The following LIPT2 variants were observed in gnomAD, a reference collection of about 807,000 sequenced individuals.
LIPT2 encodes the protein lipoyl(octanoyl) transferase 2.
Under a neutral mutation model 16.2 loss-of-function variants are expected in LIPT2, and 16 were observed. The observed-to-expected ratio is 0.99, with a 90% CI of 0.67 to 1.50. The LOEUF (loss-of-function observed/expected upper bound fraction) is 1.50. LIPT2 is among the 40% of genes most tolerant of loss of function. The pLI, the probability that LIPT2 is intolerant of heterozygous loss-of-function variation, is 0.00. For missense variants in LIPT2, 424 were observed against 347.7 expected, an observed-to-expected ratio of 1.22 and a Z score of -1.75; for synonymous variants, 199 against 169.3, an observed-to-expected ratio of 1.18 and a Z score of -1.36.
chr11:74,493,628 A>T lies in LIPT2; in HGVS notation c.76T>A (p.Trp26Arg). ...GGCTCGGCCTGCAGCCGCCGCAGCC[A>T]GCGGTCCTGCAGCCCCAGTAGCTCG... ...YAELLGLQDR[W>R]LRRLQAEPGI... The change falls in exon 1 of 2, where the codon TGG becomes AGG. Residue 26 changes from tryptophan (W) to arginine (R), a missense_variant. Trp to Arg is a moderately radical substitution (Grantham distance 101, BLOSUM62 -3). Transcript: ENST00000310109. 2 of 1,458,588 alleles carry T rather than the reference A, an allele frequency of 1.4e-6. No individual in the cohort carries two copies. The highest frequency in any genetic ancestry group is 1.8e-6 in the Non-Finnish European group (2 of 1,111,604). The allele number at this position is 1,458,588 out of a possible 1,614,324, so 90.4% of individuals were successfully genotyped here. A position where few individuals can be genotyped will look rare whatever the true frequency, so the allele number is the denominator to read the frequency against.
rs1864335595 is a variant in LIPT2, at chr11:74,491,578, T to C, written c.*557A>G. 2.0e-5 allele frequency: 3 copies of C among 153,644 alleles called. No homozygotes were observed. Among genetic ancestry groups the C allele is most frequent in the Non-Finnish European group, 4.3e-5 (3 of 69,086 alleles). The allele number at this position is 153,644 out of a possible 1,614,324, so 9.5% of individuals were successfully genotyped here. On this transcript the variant is annotated 3_prime_UTR_variant, in exon 2 of 2. Coordinates refer to ENST00000310109, the MANE Select transcript of LIPT2 (RefSeq NM_001144869.3). Reference sequence around the variant, plus strand: ...AACCCAACTAAAAACTGCTAAATTATCAAACTTGGGGAATCAAACCCAGGA... The same window carrying C: ...AACCCAACTAAAAACTGCTAAATTACCAAACTTGGGGAATCAAACCCAGGA...
chr11:74,490,549 G>A lies in LIPT2; in HGVS notation c.*1586C>T, dbSNP rs544951070. ...TTATATTGATATTTTTATATATTGGGTTAATTAAAATATTAAAATTAACAT... is the reference window on the plus strand; with the variant it reads ...TTATATTGATATTTTTATATATTGGATTAATTAAAATATTAAAATTAACAT... On this transcript the variant is annotated 3_prime_UTR_variant, in exon 2 of 2. Transcript: ENST00000310109. Among the ~76,000 whole-genome samples the A allele has an allele frequency of 6.6e-6, 1 of 151,958 alleles. No individual in the cohort carries two copies. Among genetic ancestry groups the A allele is most frequent in the Non-Finnish European group, 1.5e-5 (1 of 67,996 alleles).
In LIPT2 at chr11:74,493,422, C is replaced by T. The variant is rs1329263134; in HGVS notation, c.282G>A (p.Pro94=). The T allele has an allele frequency of 3.3e-6, 5 of 1,509,472 alleles. No individual in the cohort carries two copies. The highest frequency in any genetic ancestry group is 2.1e-5 in the Admixed American group (1 of 48,382). The allele number at this position is 1,509,472 out of a possible 1,614,324, so 93.5% of individuals were successfully genotyped here. The change falls in exon 1 of 2, where the codon CCG becomes CCA. Residue 94 remains proline, a synonymous_variant. Transcript: ENST00000310109. Reference sequence around the variant, plus strand: ...GTACCGGGTGGCAAAGCAGCTGGCCCGGGCCGTGGAAGGTGGCCAGGCCAC... The same window carrying T: ...GTACCGGGTGGCAAAGCAGCTGGCCTGGGCCGTGGAAGGTGGCCAGGCCAC... ...GRGGLATFHG[P]GQLLCHPVLD... is the part of the protein sequence containing the mutation.
In LIPT2 at chr11:74,491,871, A is replaced by G. The variant is rs1315536308; in HGVS notation, c.*264T>C. 2 of 430,658 alleles carry G rather than the reference A, an allele frequency of 4.6e-6. No homozygotes were observed. Among genetic ancestry groups the G allele is most frequent in the Non-Finnish European group, 8.6e-6 (2 of 233,402 alleles). 26.7% of individuals were successfully genotyped at this position (430,658 alleles called of 1,614,324 possible). A position where few individuals can be genotyped will look rare whatever the true frequency, so the allele number is the denominator to read the frequency against. ...TATGACATCTGAATTTCTCTGAGAC[A>G]CTGCTGTCAATAGCAGTGCTAATGT... is the stretch of plus-strand genomic sequence containing the variant. On this transcript the variant is annotated 3_prime_UTR_variant, in exon 2 of 2. Coordinates refer to ENST00000310109, the MANE Select transcript of LIPT2 (RefSeq NM_001144869.3).
Position 74,491,284 on chromosome 11 carries a change from C to T in LIPT2, c.*851G>A, listed in dbSNP as rs148435085. Among the ~76,000 whole-genome samples the T allele has an allele frequency of 2.6e-5, 4 of 152,336 alleles. No individual in the cohort carries two copies. Among genetic ancestry groups the T allele is most frequent in the Admixed American group, 1.3e-4 (2 of 15,304 alleles). Reference sequence around the variant, plus strand: ...GCCAAGCCTTTGAATAAGTGCAGTTCCAGCTGACATCTTAACTGCAAGTTC... The same window carrying T: ...GCCAAGCCTTTGAATAAGTGCAGTTTCAGCTGACATCTTAACTGCAAGTTC... On this transcript the variant is annotated 3_prime_UTR_variant, in exon 2 of 2. Coordinates refer to ENST00000310109, the MANE Select transcript of LIPT2 (RefSeq NM_001144869.3).
chr11:74,493,563 G>A lies in LIPT2; in HGVS notation c.141C>T (p.Leu47=), dbSNP rs1456130874. ...CGGGCCCCGCGGGCTCGCAGAGCAG[G>A]AGCGCGCCCGCCTCAGTCCCCGACG... is the stretch of plus-strand genomic sequence containing the variant. ...EAPSGTEAGA[L]LLCEPAGPVY... The change falls in exon 1 of 2, where the codon CTC becomes CTT. Residue 47 remains leucine (L), a synonymous_variant. Transcript: ENST00000310109. The A allele has an allele frequency of 7.0e-6, 10 of 1,437,324 alleles. No homozygotes were observed. The highest frequency in any genetic ancestry group is 7.3e-6 in the Non-Finnish European group (8 of 1,100,386). The allele number at this position is 1,437,324 out of a possible 1,614,324, so 89.0% of individuals were successfully genotyped here.
chr11:74,492,903 CAAAA>C (rs147536336), intron 1 of LIPT2, among the ~76,000 whole-genome samples: 20 of 103,490 alleles, frequency 1.9e-4, no homozygotes, highest in Admixed American at 3.0e-4. Flanking sequence ...GACTCTGTCT[CAAAA>C]AAAAAAAAAA....
chr11:74,492,509 G>A (rs1433593494), intron 1 of LIPT2, 145 bp from the exon 2 acceptor site: 1 of 619,352 alleles, frequency 1.6e-6, no homozygotes, highest in Non-Finnish European at 2.9e-6. Flanking sequence ...ACTCAGATGG[G>A]AAAAGGAAAC....
In LIPT2 at chr11:74,492,335, G is replaced by C; in HGVS notation, c.496C>G (p.His166Asp). The change falls in exon 2 of 2, where the codon CAC becomes GAC. Residue 166 changes from histidine to aspartate, a missense_variant. Physicochemically the swap from His to Asp is moderately conservative, Grantham distance 81. Coordinates refer to ENST00000310109, the MANE Select transcript of LIPT2 (RefSeq NM_001144869.3). ...GVRCGRHITS[H>D]GLALNCSTDL... is the part of the protein sequence containing the mutation. ...GTAGAGCAGTTGAGAGCCAGGCCGT[G>C]GGATGTGATGTGCCTTCCACAGCGG... is the stretch of plus-strand genomic sequence containing the variant. The C allele has an allele frequency of 6.4e-7, 1 of 1,551,726 alleles. No homozygotes were observed. Among genetic ancestry groups the C allele is most frequent in the Non-Finnish European group, 8.7e-7 (1 of 1,146,910 alleles).
At position 74,493,354 on chromosome 11, in the gene LIPT2, G is replaced by A; in HGVS notation, c.350C>T (p.Ala117Val). 2 of 1,507,126 alleles carry A rather than the reference G, an allele frequency of 1.3e-6. No individual in the cohort carries two copies. The highest frequency in any genetic ancestry group is 1.8e-6 in the Non-Finnish European group (2 of 1,134,428). The allele number at this position is 1,507,126 out of a possible 1,614,324, so 93.4% of individuals were successfully genotyped here. The change falls in exon 1 of 2, where the codon GCG becomes GTG. Residue 117 changes from alanine (A) to valine (V), a missense_variant. Ala to Val is a moderately conservative substitution (Grantham distance 64). Coordinates refer to ENST00000310109, the MANE Select transcript of LIPT2 (RefSeq NM_001144869.3). ...RLGLRLRMHV[A>V]SLEACAVRLC... is the part of the protein sequence containing the mutation. ...GCGCACGGCGCACGCCTCCAGCGAC[G>A]CTACGTGCATGCGCAAGCGCAGGCC...
chr11:74,493,187 C>T, intron 1 of LIPT2, 51 bp downstream of exon 1: 2 of 1,283,946 alleles, frequency 1.6e-6, no homozygotes, highest in Non-Finnish European at 2.0e-6. Context: ...GCCCCCAGGC[C>T]TCAAGCTCCG....
chr11:74,492,809 C>T (rs1565469692), intron 1 of LIPT2, among the ~76,000 whole-genome samples: 2 of 147,888 alleles, frequency 1.4e-5, no homozygotes, highest in Non-Finnish European at 3.0e-5. Flanking sequence ...GAGGCTGAGG[C>T]AGGAGAATGG....
rs938414374 is a variant in LIPT2 at position 74,493,385 on chromosome 11, G to A, written c.319C>T (p.Arg107Cys). Residue 107 changes from arginine to cysteine, a missense_variant, in exon 1 of 2, where the codon CGT becomes TGT. By Grantham distance (180) the Arg-to-Cys change is radical. Transcript: ENST00000310109. ...LLCHPVLDLR[R>C]LGLRLRMHVA... ...TGCATGCGCAAGCGCAGGCCGAGAC[G>A]CCGCAGGTCGAGTACCGGGTGGCAA... 16 of 1,514,050 alleles carry A rather than the reference G, an allele frequency of 1.1e-5. No homozygotes were observed. The highest frequency in any genetic ancestry group is 4.3e-5 in the African/African-American group (3 of 69,894). The allele number at this position is 1,514,050 out of a possible 1,614,324, so 93.8% of individuals were successfully genotyped here.
Position 74,491,817 on chromosome 11 carries a change from A to C in LIPT2, c.*318T>G. 3.2e-6 allele frequency: 1 copy of C among 312,330 alleles called. No homozygotes were observed. The highest frequency in any genetic ancestry group is 3.3e-5 in the South Asian group (1 of 30,044). The allele number at this position is 312,330 out of a possible 1,614,324, so 19.3% of individuals were successfully genotyped here. ...AGCAACAATTGAGAAATGACAATCT[A>C]TGACATCAACAATCGAGAAATAACA... On this transcript the variant is annotated 3_prime_UTR_variant, in exon 2 of 2. Coordinates refer to ENST00000310109, the MANE Select transcript of LIPT2 (RefSeq NM_001144869.3).
At position 74,493,269 on chromosome 11, in the gene LIPT2, G is replaced by A; in HGVS notation, c.435C>T (p.Val145=). The A allele has an allele frequency of 6.5e-6, 9 of 1,376,272 alleles. No individual in the cohort carries two copies. The highest frequency in any genetic ancestry group is 8.4e-6 in the Non-Finnish European group (9 of 1,065,628). The allele number at this position is 1,376,272 out of a possible 1,614,324, so 85.3% of individuals were successfully genotyped here. Reference sequence around the variant, plus strand: ...CGCAGATCTTGCGATCGTCTAGCCAGACGCCAGTGTAGGGCGGGGGCCGCG... The same window carrying A: ...CGCAGATCTTGCGATCGTCTAGCCAAACGCCAGTGTAGGGCGGGGGCCGCG... ...ARARPPPYTG[V]WLDDRKICAI... The change falls in exon 1 of 2, where the codon GTC becomes GTT. Residue 145 remains valine (V), a synonymous_variant. Transcript: ENST00000310109.
Position 74,493,265 on chromosome 11 carries a change from G to C in LIPT2, c.439C>G (p.Leu147Val). The C allele has an allele frequency of 7.3e-7, 1 of 1,374,318 alleles. No homozygotes were observed. The highest frequency in any genetic ancestry group is 9.4e-7 in the Non-Finnish European group (1 of 1,064,692). The allele number at this position is 1,374,318 out of a possible 1,614,324, so 85.1% of individuals were successfully genotyped here. Residue 147 changes from leucine to valine, a missense_variant, in exon 1 of 2, where the codon CTA becomes GTA. By Grantham distance (32) the Leu-to-Val change is conservative. Transcript: ENST00000310109. ...ARPPPYTGVW[L>V]DDRKICAIGV... The stretch of plus-strand genomic sequence containing the variant: ...ATCGCGCAGATCTTGCGATCGTCTA[G>C]CCAGACGCCAGTGTAGGGCGGGGGC...
intron 1 of LIPT2, 186 bp downstream of exon 1, chr11:74,493,052 T>C: frequency 9.7e-6 from 4 of 412,258 alleles, no homozygotes; most frequent in Non-Finnish European, 1.7e-5. Context: ...CTTCTGCTTC[T>C]GAATATACGA....
At position 74,493,379 on chromosome 11, in the gene LIPT2, C is replaced by G. The variant is rs1397765767; in HGVS notation, c.325G>C (p.Gly109Arg). 8 of 1,513,358 alleles carry G rather than the reference C, an allele frequency of 5.3e-6. No homozygotes were observed. The highest frequency in any genetic ancestry group is 2.9e-5 in the African/African-American group (2 of 69,840). The allele number at this position is 1,513,358 out of a possible 1,614,324, so 93.7% of individuals were successfully genotyped here. A position where few individuals can be genotyped will look rare whatever the true frequency, so the allele number is the denominator to read the frequency against. ...CHPVLDLRRL[G>R]LRLRMHVASL... The stretch of plus-strand genomic sequence containing the variant: ...GCTACGTGCATGCGCAAGCGCAGGC[C>G]GAGACGCCGCAGGTCGAGTACCGGG... The change falls in exon 1 of 2, where the codon GGC (glycine) becomes CGC (arginine). Residue 109 changes from glycine (G) to arginine (R), a missense_variant. Physicochemically the swap from Gly to Arg is moderately radical, Grantham distance 125. Transcript: ENST00000310109.
Position 74,491,942 on chromosome 11 carries a change from T to C in LIPT2, c.*193A>G. 1 of 583,502 alleles carries C rather than the reference T, an allele frequency of 1.7e-6. No individual in the cohort carries two copies. The highest frequency in any genetic ancestry group is 3.0e-5 in the Admixed American group (1 of 33,684). 36.1% of individuals were successfully genotyped at this position (583,502 alleles called of 1,614,324 possible). A position where few individuals can be genotyped will look rare whatever the true frequency, so the allele number is the denominator to read the frequency against. On this transcript the variant is annotated 3_prime_UTR_variant, in exon 2 of 2. Transcript: ENST00000310109. ...TTTCACAGTATTGTCACATCTAGTATCTCTGAGGTAGGTGGGGAAGATATA... is the reference window on the plus strand; with the variant it reads ...TTTCACAGTATTGTCACATCTAGTACCTCTGAGGTAGGTGGGGAAGATATA...
Sources: allele counts gnomAD v4.1 joint callset (sites outside exome capture counted in the v4.1 genomes callset), GRCh38; gene constraint gnomAD v4.1.1; transcripts MANE v1.5; gene names NCBI Gene and HGNC (gene_info 2026-07-23, HGNC 2026-07-21).